Variants in DLC1 observed in about 807,000 individuals in gnomAD.
DLC1 encodes rho GTPase-activating protein 7.
In DLC1, 54 loss-of-function variants were observed where a neutral mutation model predicts 140.3. The ratio of observed to expected loss-of-function variants is 0.38; its 90% confidence interval spans 0.31 to 0.48. The LOEUF (loss-of-function observed/expected upper bound fraction) is 0.48, where lower values mean the gene tolerates loss of function less well. Ranked by LOEUF, DLC1 falls within the 20% of genes least tolerant of loss-of-function variation. The probability of loss-of-function intolerance (pLI) is 0.96; values close to 1 mark genes in which losing one functional copy is unlikely to be tolerated. For synonymous variants in DLC1, 986 were observed against 728.1 expected, an observed-to-expected ratio of 1.35 and a Z score of -5.70; for missense variants, 2,536 against 1,907.0, an observed-to-expected ratio of 1.33 and a Z score of -6.14.
At chr8:13,544,584 C>G (rs1343967583) in intron 1 of DLC1, among the ~76,000 whole-genome samples, 1 of 152,080 alleles carries the variant, frequency 6.6e-6, no homozygotes, top group Non-Finnish European at 1.5e-5. Flanking sequence ...TGGGGCTGCT[C>G]CATTACATAC....
rs79823715 is a variant in DLC1 at position 13,292,002 on chromosome 8, T to C, written c.1348+13267A>G. Among the ~76,000 whole-genome samples, 6 of 140,280 alleles carry C rather than the reference T, an allele frequency of 4.3e-5. No homozygotes were observed. The South Asian group carries it at 1.4e-3, about 32-fold the overall frequency. 92.0% of individuals were successfully genotyped at this position (140,280 alleles called of 152,430 possible). Reference sequence around the variant, plus strand: ...TGCAATGTTTTCTTTTTTTTTTTTTTCTATCTTCTGTCTGTAATCTAACGA... The same window carrying C: ...TGCAATGTTTTCTTTTTTTTTTTTTCCTATCTTCTGTCTGTAATCTAACGA... On this transcript the variant is annotated intron_variant, in intron 5 of 17. Coordinates refer to ENST00000276297, the MANE Select transcript of DLC1 (RefSeq NM_182643.3).
At chr8:13,240,435 C>G (rs901934681) in intron 5 of DLC1, among the ~76,000 whole-genome samples, 4 of 152,124 alleles carry the variant, frequency 2.6e-5, no homozygotes, top group Non-Finnish European at 5.9e-5. Context: ...TGTACATTTT[C>G]TTTCTGAGAC....
chr8:13,354,337 C>T (rs1489087988), intron 4 of DLC1, among the ~76,000 whole-genome samples: 4 of 152,122 alleles, frequency 2.6e-5, no homozygotes, highest in Non-Finnish European at 5.9e-5. Context: ...TATTGTCTTA[C>T]AGGCTTGACT....
At chr8:13,249,137 C>A (rs1031404214) in intron 5 of DLC1, among the ~76,000 whole-genome samples, 1 of 152,148 alleles carries the variant, frequency 6.6e-6, no homozygotes, top group East Asian at 1.9e-4. Flanking sequence ...AGTGCAATGG[C>A]GCGATCTTCG....
At chr8:13,279,756 C>G (rs1031377155) in intron 5 of DLC1, among the ~76,000 whole-genome samples, 12 of 152,150 alleles carry the variant, frequency 7.9e-5, no homozygotes, top group African/African-American at 2.9e-4. Flanking sequence ...ATTTTGCTTT[C>G]TTTGTAGGCC....
chr8:13,578,095 G>T lies in DLC1; in HGVS notation c.-126+26442C>A, dbSNP rs1804909940. Among the ~76,000 whole-genome samples, 3 of 151,794 alleles carry T rather than the reference G, an allele frequency of 2.0e-5. No homozygotes were observed. The South Asian group carries it at 6.2e-4, about 32-fold the overall frequency. On this transcript the variant is annotated intron_variant, in intron 1 of 1. Transcript: ENST00000631382. ...GGTTGCATTTCTCTGTGCGTCCAGTGAACCAACTCCCTGGGAGTTGGCTCC... is the reference window on the plus strand; with the variant it reads ...GGTTGCATTTCTCTGTGCGTCCAGTTAACCAACTCCCTGGGAGTTGGCTCC...
intron 2 of DLC1, among the ~76,000 whole-genome samples, chr8:13,462,840 A>C (rs1298243607): frequency 6.6e-6 from 1 of 152,146 alleles, no homozygotes; most frequent in African/African-American, 2.4e-5. Context: ...TGAAGAGCTC[A>C]CTCTCTTCCA....
At chr8:13,126,365 C>CCACACACACACA (rs974648895) in intron 5 of DLC1, among the ~76,000 whole-genome samples, 9 of 106,574 alleles carry the variant, frequency 8.4e-5, no homozygotes, top group African/African-American at 3.7e-4. Context: ...ATCTCTCTAT[C>CCACACACACACA]CATACACACA....
At chr8:13,431,636 A>G (rs556956440) in intron 2 of DLC1, among the ~76,000 whole-genome samples, 20 of 152,150 alleles carry the variant, frequency 1.3e-4, no homozygotes, top group African/African-American at 4.6e-4. Context: ...CTGAAATTCA[A>G]GACATACATC....
intron 1 of DLC1, among the ~76,000 whole-genome samples, chr8:13,595,611 C>T (rs1242797099): frequency 6.6e-6 from 1 of 151,878 alleles, no homozygotes; most frequent in Non-Finnish European, 1.5e-5. Flanking sequence ...ATATGTTGAA[C>T]AGTTTCGACT....
chr8:13,543,473 A>G (rs565066822), intron 1 of DLC1, among the ~76,000 whole-genome samples: 36 of 152,056 alleles, frequency 2.4e-4, no homozygotes, highest in African/African-American at 8.0e-4. Context: ...TTGTAGATCT[A>G]TTTTTAGTTC....
intron 5 of DLC1, among the ~76,000 whole-genome samples, chr8:13,207,814 C>T (rs562677844): frequency 3.3e-5 from 5 of 152,200 alleles, no homozygotes; most frequent in South Asian, 2.1e-4. Context: ...CAGTTCTCCA[C>T]GACAAAGAAT....
chr8:13,437,884 T>G (rs1839193223), intron 2 of DLC1, among the ~76,000 whole-genome samples: 1 of 151,968 alleles, frequency 6.6e-6, no homozygotes, highest in African/African-American at 2.4e-5. Flanking sequence ...CTAAGCAGAG[T>G]TGTGGCTGCT....
intron 1 of DLC1, among the ~76,000 whole-genome samples, chr8:13,559,588 T>C (rs1804171969): frequency 6.6e-6 from 1 of 152,186 alleles, no homozygotes; most frequent in Admixed American, 6.5e-5. Context: ...ATTCATTTTA[T>C]AGTGAAAGCT....
chr8:13,126,387 AC>A (rs1821570450), intron 5 of DLC1, among the ~76,000 whole-genome samples: 1 of 151,970 alleles, frequency 6.6e-6, no homozygotes, highest in Non-Finnish European at 1.5e-5. Context: ...ACACACACAC[AC>A]ACACACACAC....
chr8:13,573,491 T>C (rs962867320), intron 1 of DLC1, among the ~76,000 whole-genome samples: 1 of 152,194 alleles, frequency 6.6e-6, no homozygotes, highest in Admixed American at 6.5e-5. Flanking sequence ...CAGAGCTATA[T>C]TGAATAGAAG....
intron 2 of DLC1, among the ~76,000 whole-genome samples, chr8:13,450,835 T>C (rs1281325729): frequency 2.0e-5 from 3 of 151,678 alleles, no homozygotes; most frequent in Non-Finnish European, 2.9e-5. Flanking sequence ...GGTCAAGATA[T>C]TGAGACTATC....
At chr8:13,429,036 A>C (rs1232458568) in intron 2 of DLC1, among the ~76,000 whole-genome samples, 1 of 152,208 alleles carries the variant, frequency 6.6e-6, no homozygotes, top group Non-Finnish European at 1.5e-5. Flanking sequence ...CATTGACCTT[A>C]GTTATTAGAT....
chr8:13,125,140 G>A (rs546363945), intron 5 of DLC1, among the ~76,000 whole-genome samples: 128 of 152,010 alleles, frequency 8.4e-4, no homozygotes, highest in African/African-American at 2.9e-3. Flanking sequence ...CCACACCCGG[G>A]TAATTTTCGT....
Sources: gnomAD v4.1 joint callset for allele counts (sites outside exome capture counted in the v4.1 genomes callset) on GRCh38, gnomAD v4.1.1 for gene constraint, MANE v1.5 for transcripts, NCBI Gene and HGNC (gene_info 2026-07-23, HGNC 2026-07-21) for gene names.